Variants in PELI2 observed in about 807,000 individuals in gnomAD.
PELI2 encodes the protein pellino E3 ubiquitin protein ligase family member 2.
Under a neutral mutation model 42.3 loss-of-function variants are expected in PELI2, and 23 were observed. The observed-to-expected ratio is 0.54, with a 90% CI of 0.39 to 0.77. The LOEUF (loss-of-function observed/expected upper bound fraction) is 0.77. Among genes scored for constraint, PELI2 ranks in the 30% least tolerant of loss-of-function variants. The pLI is 0.00. For synonymous variants in PELI2, 245 were observed against 212.2 expected, an observed-to-expected ratio of 1.15 and a Z score of -1.34; for missense variants, 463 against 553.2, an observed-to-expected ratio of 0.84 and a Z score of 1.64.
chr14:56,238,601 A>T (rs1887875219), intron 2 of PELI2, among the ~76,000 whole-genome samples: 1 of 152,108 alleles, frequency 6.6e-6, no homozygotes, highest in Non-Finnish European at 1.5e-5. Flanking sequence ...CTGACTTTTG[A>T]TGGAAGGGTT....
chr14:56,214,966 C>T (rs1886849574), intron 2 of PELI2, among the ~76,000 whole-genome samples: 1 of 152,130 alleles, frequency 6.6e-6, no homozygotes, highest in South Asian at 2.1e-4. Context: ...CCTGAATAGC[C>T]TTTTAAATTT....
At chr14:56,189,662 C>T (rs1885890444) in intron 2 of PELI2, among the ~76,000 whole-genome samples, 1 of 152,168 alleles carries the variant, frequency 6.6e-6, no homozygotes, top group African/African-American at 2.4e-5. Context: ...AAAAGTTATA[C>T]ATAGGTGTAG....
At chr14:56,157,606 TTGTTTC>T (rs1430527361) in intron 1 of PELI2, among the ~76,000 whole-genome samples, 3 of 152,238 alleles carry the variant, frequency 2.0e-5, no homozygotes, top group Non-Finnish European at 4.4e-5. Flanking sequence ...TTTTGAGAAT[TTGTTTC>T]TGTACAATAG....
intron 1 of PELI2, among the ~76,000 whole-genome samples, chr14:56,142,520 A>G (rs1480936328): frequency 6.6e-6 from 1 of 152,236 alleles, no homozygotes; most frequent in Admixed American, 6.5e-5. Context: ...TGTACTAAAC[A>G]AGGAATGAAT....
In PELI2 at chr14:56,118,668, C is replaced by A. The variant is rs752726063; in HGVS notation, c.8C>A (p.Ser3Tyr). ...GCGGCCGAGCGGGGCTCCATGTTTT[C>A]CCCTGGCCAGGAGGAACACTGCGCC... MF[S>Y]PGQEEHCAPN... Residue 3 changes from serine to tyrosine, a missense_variant, in exon 1 of 6, where the codon TCC becomes TAC. Physicochemically the swap from Ser to Tyr is moderately radical, Grantham distance 144. Coordinates refer to ENST00000267460, the MANE Select transcript of PELI2 (RefSeq NM_021255.3). The A allele has an allele frequency of 6.8e-7, 1 of 1,468,340 alleles. No individual in the cohort carries two copies. The highest frequency in any genetic ancestry group is 1.3e-5 in the South Asian group (1 of 75,816). 91.0% of individuals were successfully genotyped at this position (1,468,340 alleles called of 1,614,324 possible).
Position 56,296,916 on chromosome 14 carries a change from G to A in PELI2, c.1013G>A (p.Cys338Tyr). ...GCCAACGAGAGGGAGTGTCCCATGT[G>A]CAGGACTGTGGGCCCCTATGTGCCT... The part of the protein sequence containing the change: ...TEANERECPM[C>Y]RTVGPYVPLW... Residue 338 changes from cysteine (C) to tyrosine (Y), a missense_variant, in exon 6 of 6, where the codon TGC (cysteine) becomes TAC (tyrosine). By Grantham distance (194) the Cys-to-Tyr change is radical. Coordinates refer to ENST00000267460, the MANE Select transcript of PELI2 (RefSeq NM_021255.3). 1 of 1,614,194 alleles carries A rather than the reference G, an allele frequency of 6.2e-7. No individual in the cohort carries two copies. Among genetic ancestry groups the A allele is most frequent in the Non-Finnish European group, 8.5e-7 (1 of 1,180,034 alleles).
At chr14:56,207,276 A>G (rs1413903241) in intron 2 of PELI2, among the ~76,000 whole-genome samples, 5 of 152,196 alleles carry the variant, frequency 3.3e-5, no homozygotes, top group African/African-American at 1.2e-4. Context: ...CATCATATCA[A>G]AATCAGAACA....
At chr14:56,214,940 A>G (rs1886847733) in intron 2 of PELI2, among the ~76,000 whole-genome samples, 1 of 152,350 alleles carries the variant, frequency 6.6e-6, no homozygotes. Context: ...AGGTGACTGC[A>G]TAGGCTTCAT....
At chr14:56,126,218 C>T (rs944505120) in intron 1 of PELI2, among the ~76,000 whole-genome samples, 8 of 152,180 alleles carry the variant, frequency 5.3e-5, no homozygotes, top group Admixed American at 1.3e-4. Flanking sequence ...TTGCAGTGCG[C>T]CACAGTGGCG....
At chr14:56,151,523 T>G (rs1453802900) in intron 1 of PELI2, among the ~76,000 whole-genome samples, 1 of 152,200 alleles carries the variant, frequency 6.6e-6, no homozygotes, top group Non-Finnish European at 1.5e-5. Context: ...ACCATTAGAA[T>G]GTAGTTGTTC....
intron 2 of PELI2, among the ~76,000 whole-genome samples, chr14:56,199,589 A>C (rs1350514090): frequency 6.6e-6 from 1 of 152,218 alleles, no homozygotes; most frequent in Non-Finnish European, 1.5e-5. Flanking sequence ...TTAGCAATGA[A>C]CTGAGGTTTA....
intron 2 of PELI2, among the ~76,000 whole-genome samples, chr14:56,187,375 C>G (rs1445347471): frequency 6.6e-6 from 1 of 152,208 alleles, no homozygotes; most frequent in African/African-American, 2.4e-5. Flanking sequence ...TTAGGATAAG[C>G]TGTCAGTCTA....
intron 2 of PELI2, among the ~76,000 whole-genome samples, chr14:56,244,375 T>C (rs563941267): frequency 2.0e-5 from 3 of 152,362 alleles, no homozygotes; most frequent in African/African-American, 7.2e-5. Flanking sequence ...CTTTATAGTT[T>C]GTTGAATTCA....
chr14:56,146,449 A>G (rs989452331), intron 1 of PELI2, among the ~76,000 whole-genome samples: 2 of 152,216 alleles, frequency 1.3e-5, no homozygotes, highest in Admixed American at 6.5e-5. Flanking sequence ...AGGTGCAAAC[A>G]TACTTTCACC....
intron 2 of PELI2, among the ~76,000 whole-genome samples, chr14:56,209,553 G>C (rs1193059805): frequency 6.7e-6 from 1 of 150,166 alleles, no homozygotes; most frequent in Non-Finnish European, 1.5e-5. Context: ...TTCGTTTCGT[G>C]GTAGTATGTA....
At chr14:56,266,698 G>T (rs1270088671) in intron 2 of PELI2, among the ~76,000 whole-genome samples, 1 of 152,042 alleles carries the variant, frequency 6.6e-6, no homozygotes, top group Non-Finnish European at 1.5e-5. Flanking sequence ...AATATCAGAA[G>T]TGGACATACC....
intron 2 of PELI2, among the ~76,000 whole-genome samples, chr14:56,182,626 A>G (rs1885627881): frequency 6.6e-6 from 1 of 152,154 alleles, no homozygotes; most frequent in Non-Finnish European, 1.5e-5. Context: ...TCCGAATGGA[A>G]AATATTAGTG....
At chr14:56,175,346 C>A (rs956660579) in intron 1 of PELI2, among the ~76,000 whole-genome samples, 3 of 152,178 alleles carry the variant, frequency 2.0e-5, no homozygotes, top group Admixed American at 6.5e-5. Context: ...TTCTCTAATG[C>A]GTCCTGCCAT....
Position 56,246,884 on chromosome 14 carries a change from G to T in PELI2, c.208-32792G>T, listed in dbSNP as rs1431166462. Among the ~76,000 whole-genome samples the T allele has an allele frequency of 2.6e-5, 4 of 152,032 alleles. No homozygotes were observed. In the South Asian group the frequency reaches 8.3e-4, roughly 32 times the overall value. ...GCCACGTTTCCTTTTTAGAATTTAA[G>T]AAATATTACATTCTTCTGAAAAACC... On this transcript the variant is annotated intron_variant, in intron 2 of 5. Transcript: ENST00000267460.
Sources: allele counts gnomAD v4.1 joint callset (sites outside exome capture counted in the v4.1 genomes callset), GRCh38; gene constraint gnomAD v4.1.1; transcripts MANE v1.5; gene names NCBI Gene and HGNC (gene_info 2026-07-23, HGNC 2026-07-21).